The following SUPT3H variants were observed in gnomAD, a reference collection of about 807,000 sequenced individuals.
SUPT3H encodes the protein transcription initiation protein SPT3 homolog.
In SUPT3H, 44 loss-of-function variants were observed where a neutral mutation model predicts 44.3. The observed-to-expected ratio is 0.99, with a 90% CI of 0.78 to 1.28. The LOEUF (loss-of-function observed/expected upper bound fraction) is 1.28, where lower values mean the gene tolerates loss of function less well. Among genes scored for constraint, SUPT3H ranks in the 50% most tolerant of loss-of-function variants. The probability of loss-of-function intolerance (pLI) is 0.00; values close to 1 mark genes in which losing one functional copy is unlikely to be tolerated. For missense variants in SUPT3H, 380 were observed against 387.1 expected (o/e 0.98, Z 0.15); for synonymous variants, 124 against 125.6 (o/e 0.99, Z 0.09).
At chr6:45,219,938 C>G (rs1213289848) in intron 2 of SUPT3H, among the ~76,000 whole-genome samples, 5 of 146,380 alleles carry the variant, frequency 3.4e-5, no homozygotes, top group African/African-American at 7.5e-5. Flanking sequence ...ATTTGGGAGG[C>G]TGACGCAGGA....
intron 10 of SUPT3H, among the ~76,000 whole-genome samples, chr6:44,897,159 G>A (rs986361013): frequency 1.3e-5 from 2 of 152,166 alleles, no homozygotes; most frequent in Non-Finnish European, 2.9e-5. Context: ...GTTAGTGTGG[G>A]CTTTGGGCTA....
intron 9 of SUPT3H, among the ~76,000 whole-genome samples, chr6:44,938,640 C>A (rs1400663481): frequency 6.6e-6 from 1 of 151,990 alleles, no homozygotes; most frequent in East Asian, 1.9e-4. Context: ...AGAGATTGCA[C>A]TGGATCTGTA....
chr6:44,831,650 G>C (rs1319849583), intron 10 of SUPT3H, among the ~76,000 whole-genome samples: 1 of 152,164 alleles, frequency 6.6e-6, no homozygotes, highest in East Asian at 1.9e-4. Flanking sequence ...TTTATATGGA[G>C]TTAAATGGAC....
chr6:44,935,350 T>G (rs901059940), intron 9 of SUPT3H, among the ~76,000 whole-genome samples: 2 of 152,208 alleles, frequency 1.3e-5, no homozygotes, highest in Non-Finnish European at 2.9e-5. Context: ...ACATAAAATG[T>G]ACATATTTGT....
intron 11 of SUPT3H, among the ~76,000 whole-genome samples, chr6:44,810,497 G>A (rs1301014460): frequency 6.6e-6 from 1 of 151,490 alleles, no homozygotes; most frequent in African/African-American, 2.4e-5. Flanking sequence ...ATATAGCTCA[G>A]TATTTAAGTT....
chr6:45,247,572 A>T (rs1771588680), intron 2 of SUPT3H, among the ~76,000 whole-genome samples: 1 of 152,172 alleles, frequency 6.6e-6, no homozygotes, highest in Non-Finnish European at 1.5e-5. Flanking sequence ...AACAATGCAC[A>T]TGCATTACTA....
chr6:44,876,824 A>C (rs2153432709), intron 10 of SUPT3H, among the ~76,000 whole-genome samples: 1 of 149,794 alleles, frequency 6.7e-6, no homozygotes, highest in Admixed American at 6.7e-5. Context: ...ATAAAAATAA[A>C]GATCTTCAAT....
chr6:44,960,356 G>C (rs1290236081), intron 7 of SUPT3H, among the ~76,000 whole-genome samples: 3 of 148,556 alleles, frequency 2.0e-5, no homozygotes, highest in Admixed American at 6.8e-5. Flanking sequence ...GGAGGAGGAG[G>C]CTGCAGTGAG....
At chr6:45,000,071 T>C (rs1006583496) in intron 6 of SUPT3H, among the ~76,000 whole-genome samples, 1 of 150,298 alleles carries the variant, frequency 6.7e-6, no homozygotes, top group African/African-American at 2.5e-5. Flanking sequence ...TATATACACA[T>C]ATAAATGTAT....
intron 10 of SUPT3H, among the ~76,000 whole-genome samples, chr6:44,892,065 A>G (rs1348004503): frequency 2.0e-5 from 3 of 152,162 alleles, no homozygotes; most frequent in African/African-American, 7.2e-5. Context: ...TAATCTAAAA[A>G]AGGAAGATAG....
chr6:45,287,891 A>T (rs1310033817), intron 2 of SUPT3H, among the ~76,000 whole-genome samples: 1 of 152,150 alleles, frequency 6.6e-6, no homozygotes, highest in Non-Finnish European at 1.5e-5. Context: ...TACCACACTT[A>T]GTTCTTCGTG....
intron 8 of SUPT3H, 103 bp downstream of exon 8, chr6:44,954,392 C>T: frequency 1.2e-6 from 1 of 856,036 alleles, no homozygotes; most frequent in Non-Finnish European, 2.0e-6. Flanking sequence ...GAATTCATGG[C>T]TGTTATTACT....
intron 2 of SUPT3H, among the ~76,000 whole-genome samples, chr6:45,318,479 A>G (rs555300872): frequency 5.3e-4 from 81 of 152,270 alleles, no homozygotes; most frequent in Non-Finnish European, 8.5e-4. Context: ...CCAATGCAAG[A>G]TATTAGTAAG....
intron 2 of SUPT3H, among the ~76,000 whole-genome samples, chr6:45,186,983 T>C (rs1467524021): frequency 6.6e-6 from 1 of 151,134 alleles, no homozygotes; most frequent in Non-Finnish European, 1.5e-5. Context: ...AGTACACAGG[T>C]TTAGGCCAAG....
intron 10 of SUPT3H, 100 bp downstream of exon 10, chr6:44,932,553 A>ATTGC: frequency 1.3e-6 from 1 of 777,986 alleles, no homozygotes; most frequent in Non-Finnish European, 2.0e-6. Context: ...GTCACCACAA[A>ATTGC]TTGCTTTCAA....
chr6:45,227,584 G>A (rs920740897), intron 2 of SUPT3H, among the ~76,000 whole-genome samples: 1 of 152,052 alleles, frequency 6.6e-6, no homozygotes, highest in Non-Finnish European at 1.5e-5. Context: ...TCCATTTTAT[G>A]TTTCAGATTA....
chr6:45,328,870 C>A, intron 2 of SUPT3H: 1 of 1,350,636 alleles, frequency 7.4e-7, no homozygotes, highest in Non-Finnish European at 1.1e-6. Flanking sequence ...CTAGCTTTTC[C>A]AAATAGCATA....
Position 44,864,049 on chromosome 6 carries a change from T to A in SUPT3H, c.913-34192A>T, listed in dbSNP as rs562858960. Among the ~76,000 whole-genome samples the A allele has an allele frequency of 2.6e-4, 39 of 152,090 alleles. No individual in the cohort carries two copies. In the South Asian group the frequency reaches 8.1e-3, roughly 32 times the overall value. The stretch of plus-strand genomic sequence containing the variant: ...ACAGAATGAAAGCATATCATTCTGC[T>A]CCTGCCCCCTGCCAAATCTCATATT... On this transcript the variant is annotated intron_variant, in intron 10 of 10. Transcript: ENST00000371459.
chr6:45,076,942 A>G (rs1795076310), intron 3 of SUPT3H, among the ~76,000 whole-genome samples: 1 of 152,114 alleles, frequency 6.6e-6, no homozygotes, highest in Admixed American at 6.6e-5. Context: ...TCTACCGAAT[A>G]TGGTTTGGTA....
Sources: allele counts gnomAD v4.1 joint callset (sites outside exome capture counted in the v4.1 genomes callset), GRCh38; gene constraint gnomAD v4.1.1; transcripts MANE v1.5; gene names NCBI Gene and HGNC (gene_info 2026-07-23, HGNC 2026-07-21).